Variants in ATL3 observed in about 807,000 individuals in gnomAD.
The protein encoded by ATL3 is atlastin-3.
ATL3 carries 49 observed loss-of-function variants against 69.5 expected under a neutral mutation model. The observed-to-expected ratio is 0.71, with a 90% CI of 0.56 to 0.89. ATL3 has a LOEUF of 0.89. Ranked by LOEUF, ATL3 falls within the 40% of genes least tolerant of loss-of-function variation. ATL3 has a pLI of 0.00. For synonymous variants in ATL3, 214 were observed against 224.1 expected, an observed-to-expected ratio of 0.95 and a Z score of 0.40; for missense variants, 606 against 645.7, an observed-to-expected ratio of 0.94 and a Z score of 0.67.
chr11:63,656,731 CAA>C (rs34700325), intron 3 of ATL3, among the ~76,000 whole-genome samples: 15 of 103,096 alleles, frequency 1.5e-4, no homozygotes, highest in Admixed American at 3.2e-4. Context: ...GACTCCCTCT[CAA>C]AAAAAAAAAA....
chr11:63,643,355 A>G lies in ATL3; in HGVS notation c.850+2T>C, dbSNP rs983809230. 1 of 1,603,528 alleles carries G rather than the reference A, an allele frequency of 6.2e-7. No homozygotes were observed. Among genetic ancestry groups the G allele is most frequent in the Non-Finnish European group, 8.5e-7 (1 of 1,175,972 alleles). ...AGGTTTAAAATAACACCTGGAACAC[A>G]CCTTTTAATTTCCCATCAAAGTCAG... On this transcript the variant is annotated splice_donor_variant, in intron 8 of 12. Transcript: ENST00000398868. LOFTEE classifies it high-confidence loss of function.
chr11:63,627,072 CTTT>C lies in ATL3; in HGVS notation c.*2244_*2246del, dbSNP rs1242690642. 6.6e-6 allele frequency: 1 copy of C among 152,116 alleles called. No homozygotes were observed. The highest frequency in any genetic ancestry group is 1.5e-5 in the Non-Finnish European group (1 of 68,024). The allele number at this position is 152,116 out of a possible 1,614,324, so 9.4% of individuals were successfully genotyped here. ...GATTTCATTAAATCATACATTATCA[CTTT>C]TTTTAAAGTGACCTAATACTTTAGT... On this transcript the variant is annotated 3_prime_UTR_variant, in exon 13 of 13. Coordinates refer to ENST00000398868, the MANE Select transcript of ATL3 (RefSeq NM_015459.5).
At chr11:63,666,402 C>T (rs1168752338) in intron 1 of ATL3, among the ~76,000 whole-genome samples, 1 of 152,000 alleles carries the variant, frequency 6.6e-6, no homozygotes, top group East Asian at 1.9e-4. Flanking sequence ...AAATGTACAA[C>T]TGCCTAAGGG....
intron 1 of ATL3, among the ~76,000 whole-genome samples, chr11:63,665,866 CA>C (rs879791369): frequency 2.5e-3 from 342 of 135,964 alleles, no homozygotes; most frequent in Non-Finnish European, 2.3e-3. Flanking sequence ...GACCCTGTCT[CA>C]AAAAAAAAAA....
At chr11:63,633,371 A>T (rs1055448809) in intron 10 of ATL3, among the ~76,000 whole-genome samples, 1 of 150,174 alleles carries the variant, frequency 6.7e-6, no homozygotes, top group African/African-American at 2.5e-5. Context: ...CAAGGAAAAT[A>T]TTATTTCCAT....
Position 63,626,003 on chromosome 11 carries a change from G to A in ATL3, c.*3316C>T, listed in dbSNP as rs559871220. ...TCTCAAAAAAAAAAAGGAATAAAGCGAAACACAGGCAATTTTACCAAGTAT... is the reference window on the plus strand; with the variant it reads ...TCTCAAAAAAAAAAAGGAATAAAGCAAAACACAGGCAATTTTACCAAGTAT... On this transcript the variant is annotated 3_prime_UTR_variant, in exon 13 of 13. Transcript: ENST00000398868. 3.3e-5 allele frequency: 5 copies of A among 151,922 alleles called. No individual in the cohort carries two copies. Among genetic ancestry groups the A allele is most frequent in the South Asian group, 2.1e-4 (1 of 4,814 alleles). The allele number at this position is 151,922 out of a possible 1,614,324, so 9.4% of individuals were successfully genotyped here. A position where few individuals can be genotyped will look rare whatever the true frequency, so the allele number is the denominator to read the frequency against.
rs1254213240 is a variant in ATL3, at chr11:63,657,208, C to CAA, written c.405+1551_405+1552dup. ...TGGGCAACAGAGTGAGACTACATCT[C>CAA]AAAAAAAAAAAAAAAAAAAGGACAA... On this transcript the variant is annotated intron_variant, in intron 3 of 12. Transcript: ENST00000398868. Among the ~76,000 whole-genome samples the CAA allele has an allele frequency of 1.1e-3, 67 of 59,852 alleles. 1 individual carries two copies. In the East Asian group the frequency reaches 0.021, roughly 19 times the overall value. 39.3% of individuals were successfully genotyped at this position (59,852 alleles called of 152,430 possible).
Position 63,629,058 on chromosome 11 carries a change from A to G in ATL3, c.*261T>C, listed in dbSNP as rs1161890382. ...TCTAGCTTCCTCCTCCATAAAGTGC[A>G]CAAAGCAGAGTAATATGAAAATAGA... On this transcript the variant is annotated 3_prime_UTR_variant, in exon 13 of 13. Transcript: ENST00000398868. 3 of 433,244 alleles carry G rather than the reference A, an allele frequency of 6.9e-6. No homozygotes were observed. Among genetic ancestry groups the G allele is most frequent in the Non-Finnish European group, 8.3e-6 (2 of 241,494 alleles). 26.8% of individuals were successfully genotyped at this position (433,244 alleles called of 1,614,324 possible).
At chr11:63,656,804 G>C (rs147022189) in intron 3 of ATL3, among the ~76,000 whole-genome samples, 3 of 150,958 alleles carry the variant, frequency 2.0e-5, no homozygotes, top group Non-Finnish European at 2.9e-5. Context: ...AGAAAAATAC[G>C]TTGGCCTAGA....
intron 3 of ATL3, 111 bp from the exon 4 acceptor site, chr11:63,652,686 G>A: frequency 1.5e-6 from 1 of 675,780 alleles, no homozygotes; most frequent in Admixed American, 2.8e-5. Flanking sequence ...TAATGTTTAT[G>A]TGAGCCTTAA....
chr11:63,660,350 C>G (rs1048644748), intron 1 of ATL3, among the ~76,000 whole-genome samples: 3 of 152,070 alleles, frequency 2.0e-5, no homozygotes, highest in Non-Finnish European at 2.9e-5. Flanking sequence ...ACAGGGAAAT[C>G]TAAATTAAAA....
chr11:63,636,156 G>C (rs1318651849), intron 9 of ATL3, 51 bp downstream of exon 9: 1 of 1,583,012 alleles, frequency 6.3e-7, no homozygotes, highest in South Asian at 1.2e-5. Flanking sequence ...TTACGAGTGA[G>C]ATCAGCTTTA....
chr11:63,652,440 C>G, intron 4 of ATL3, 31 bp downstream of exon 4: 1 of 1,362,990 alleles, frequency 7.3e-7, no homozygotes, highest in Admixed American at 2.2e-5. Context: ...ATTTCCTTTG[C>G]GAGCTTTTTT....
rs1939160511 is a variant in ATL3, at chr11:63,627,692, A to C, written c.*1627T>G. 1 of 152,152 alleles carries C rather than the reference A, an allele frequency of 6.6e-6. No individual in the cohort carries two copies. Among genetic ancestry groups the C allele is most frequent in the African/African-American group, 2.4e-5 (1 of 41,394 alleles). The allele number at this position is 152,152 out of a possible 1,614,324, so 9.4% of individuals were successfully genotyped here. On this transcript the variant is annotated 3_prime_UTR_variant, in exon 13 of 13. Transcript: ENST00000398868. ...ACTTGCAGGCAAGTTTTAAGTTTTA[A>C]AATCCACAATAATTCCAAAAGGAAA...
chr11:63,650,543 ATATT>A (rs1940039993), intron 5 of ATL3: 1 of 152,146 alleles, frequency 6.6e-6, no homozygotes, highest in African/African-American at 2.4e-5. Flanking sequence ...CTCCTCTGTA[ATATT>A]TATATTTTAC....
intron 11 of ATL3, 99 bp downstream of exon 11, chr11:63,632,927 C>T (rs1474928877): frequency 1.9e-6 from 2 of 1,070,064 alleles, no homozygotes; most frequent in African/African-American, 3.2e-5. Context: ...ATTGCCTCAT[C>T]ACTTAAAGAT....
At chr11:63,629,679 A>C (rs1268433283) in intron 12 of ATL3, among the ~76,000 whole-genome samples, 2 of 152,182 alleles carry the variant, frequency 1.3e-5, no homozygotes, top group African/African-American at 4.8e-5. Context: ...CAGAAAAACA[A>C]ATGTATCATC....
intron 1 of ATL3, among the ~76,000 whole-genome samples, chr11:63,662,905 T>C (rs113252868): frequency 2.7e-4 from 41 of 151,970 alleles, no homozygotes; most frequent in Middle Eastern, 3.4e-3. Flanking sequence ...TAAGGAGACA[T>C]AGTAAGTAAA....
chr11:63,671,210 G>A (rs1234627339), intron 1 of ATL3, 80 bp downstream of exon 1: 27 of 1,469,804 alleles, frequency 1.8e-5, no homozygotes, highest in Middle Eastern at 2.4e-4. Flanking sequence ...GGCGGCGCGG[G>A]CGGGGGTTCT....
Sources: gnomAD v4.1 joint callset for allele counts (sites outside exome capture counted in the v4.1 genomes callset) on GRCh38, gnomAD v4.1.1 for gene constraint, MANE v1.5 for transcripts, NCBI Gene and HGNC (gene_info 2026-07-23, HGNC 2026-07-21) for gene names.